PRKAA1: variants seen among roughly 807,000 people sequenced by gnomAD.
The protein encoded by PRKAA1 is protein kinase AMP-activated catalytic subunit alpha 1.
Under a neutral mutation model 56.9 loss-of-function variants are expected in PRKAA1, and 23 were observed. The ratio of observed to expected loss-of-function variants is 0.40; its 90% CI spans 0.29 to 0.57. PRKAA1 has a LOEUF of 0.57. Ranked by LOEUF, PRKAA1 falls within the 20% of genes least tolerant of loss-of-function variation. The pLI, the probability that PRKAA1 is intolerant of heterozygous loss-of-function variation, is 0.39. For missense variants in PRKAA1, 413 were observed against 679.7 expected (o/e 0.61, Z 4.36); for synonymous variants, 226 against 227.0 (o/e 1.00, Z 0.04).
At chr5:40,768,882 C>T (rs1255438106) in intron 5 of PRKAA1, 2 of 1,561,960 alleles carry the variant, frequency 1.3e-6, no homozygotes, top group Non-Finnish European at 1.7e-6. Context: ...TCTTCATGTT[C>T]TCAATGCTGG....
rs2112014565 is a variant in PRKAA1 at position 40,771,701 on chromosome 5, C to G, written c.508+18G>C. On this transcript the variant is annotated intron_variant, in intron 4 of 8. Coordinates refer to ENST00000397128, the MANE Select transcript of PRKAA1 (RefSeq NM_006251.6). ...AACATTAGAAATGAACGTTAAGAAACTATAAAATTATCCTTACCAAAATCA... is the reference window on the plus strand; with the variant it reads ...AACATTAGAAATGAACGTTAAGAAAGTATAAAATTATCCTTACCAAAATCA... 1 of 1,588,292 alleles carries G rather than the reference C, an allele frequency of 6.3e-7. No homozygotes were observed. Among genetic ancestry groups the G allele is most frequent in the Non-Finnish European group, 8.5e-7 (1 of 1,172,820 alleles).
chr5:40,775,304 C>G (rs1743947549), intron 3 of PRKAA1, 106 bp downstream of exon 3: 1 of 817,470 alleles, frequency 1.2e-6, no homozygotes, highest in East Asian at 2.6e-5. Context: ...ACTAAGGGAA[C>G]TGGTTATTAA....
rs936166903 is a variant in PRKAA1 at position 40,760,797 on chromosome 5, A to G, written c.*1981T>C. 6.5e-6 allele frequency: 1 copy of G among 152,730 alleles called. No homozygotes were observed. Among genetic ancestry groups the G allele is most frequent in the South Asian group, 2.1e-4 (1 of 4,834 alleles). The allele number at this position is 152,730 out of a possible 1,614,324, so 9.5% of individuals were successfully genotyped here. A position where few individuals can be genotyped will look rare whatever the true frequency, so the allele number is the denominator to read the frequency against. On this transcript the variant is annotated 3_prime_UTR_variant, in exon 9 of 9. Coordinates refer to ENST00000397128, the MANE Select transcript of PRKAA1 (RefSeq NM_006251.6). ...TTTGAGTTCATTATCATCTGGTTAC[A>G]TAAGTGCTCACTGTATTTGCCAAAA...
chr5:40,772,558 T>A (rs1743796521), intron 3 of PRKAA1, among the ~76,000 whole-genome samples: 1 of 151,976 alleles, frequency 6.6e-6, no homozygotes, highest in Admixed American at 6.5e-5. Context: ...TTTAATATGC[T>A]TGCTAAAAAA....
At chr5:40,773,996 C>T (rs888462732) in intron 3 of PRKAA1, among the ~76,000 whole-genome samples, 3 of 152,090 alleles carry the variant, frequency 2.0e-5, no homozygotes, top group African/African-American at 7.2e-5. Context: ...TAAGCTAAGG[C>T]CTTTAAGGAA....
At chr5:40,763,558 T>C (rs1023972111) in intron 8 of PRKAA1, among the ~76,000 whole-genome samples, 2 of 152,156 alleles carry the variant, frequency 1.3e-5, no homozygotes, top group African/African-American at 4.8e-5. Context: ...TCATTTAGTA[T>C]TTCATAAAAG....
intron 5 of PRKAA1, 49 bp from the exon 6 acceptor site, chr5:40,767,739 T>A (rs974145237): frequency 6.8e-7 from 1 of 1,475,474 alleles, no homozygotes; most frequent in Non-Finnish European, 9.3e-7. Flanking sequence ...TAACCTAAGA[T>A]TCAGTTCATC....
chr5:40,774,191 G>A (rs1743882041), intron 3 of PRKAA1, among the ~76,000 whole-genome samples: 1 of 152,084 alleles, frequency 6.6e-6, no homozygotes, highest in African/African-American at 2.4e-5. Context: ...ATATTTAGTG[G>A]ACAGCCAAGA....
At chr5:40,763,143 C>G in intron 8 of PRKAA1, 121 bp from the exon 9 acceptor site, 1 of 894,688 alleles carries the variant, frequency 1.1e-6, no homozygotes, top group South Asian at 1.7e-5. Flanking sequence ...CACGCTTATT[C>G]TAAATACCTT....
chr5:40,768,790 T>C (rs1743589558), intron 5 of PRKAA1: 2 of 1,401,118 alleles, frequency 1.4e-6, no homozygotes, highest in African/African-American at 3.0e-5. Flanking sequence ...TTCAGTAGTA[T>C]AGTGAAGGAC....
intron 1 of PRKAA1, among the ~76,000 whole-genome samples, chr5:40,797,684 C>T (rs1053219853): frequency 6.6e-6 from 1 of 152,250 alleles, no homozygotes; most frequent in African/African-American, 2.4e-5. Flanking sequence ...GAGCACAACC[C>T]GGGCGCACAA....
At chr5:40,777,646 T>C in intron 1 of PRKAA1, 60 bp from the exon 2 acceptor site, 1 of 1,475,106 alleles carries the variant, frequency 6.8e-7, no homozygotes, top group South Asian at 1.3e-5. Flanking sequence ...TATTTACACA[T>C]ATTCTGGCCC....
In PRKAA1 at chr5:40,775,491, G is replaced by A. The variant is rs200384612; in HGVS notation, c.282C>T (p.Ile94=). The A allele has an allele frequency of 1.5e-5, 24 of 1,598,702 alleles. No individual in the cohort carries two copies. The highest frequency in any genetic ancestry group is 1.9e-5 in the Non-Finnish European group (22 of 1,166,226). Residue 94 remains isoleucine (I), a synonymous_variant, in exon 3 of 9, where the codon ATC becomes ATT. Transcript: ENST00000397128. ...HPHIIKLYQV[I]STPSDIFMVM... ...CCATGAAAATATCAGATGGTGTACT[G>A]ATGACCTGGTACCTGGTGAGAGAAA... is the stretch of plus-strand genomic sequence containing the variant.
intron 5 of PRKAA1, 138 bp from the exon 6 acceptor site, chr5:40,767,828 C>T (rs1468692560): frequency 2.0e-5 from 14 of 701,644 alleles, no homozygotes; most frequent in South Asian, 8.1e-5. Context: ...CATGTTACAA[C>T]GTTAATTCCA....
chr5:40,781,692 T>C (rs1302727810), intron 1 of PRKAA1, among the ~76,000 whole-genome samples: 2 of 152,130 alleles, frequency 1.3e-5, no homozygotes, highest in Non-Finnish European at 2.9e-5. Flanking sequence ...TAAAACATAG[T>C]CATAGATACT....
intron 4 of PRKAA1, among the ~76,000 whole-genome samples, chr5:40,770,348 C>A (rs1385222215): frequency 1.3e-5 from 2 of 152,014 alleles, no homozygotes; most frequent in Non-Finnish European, 2.9e-5. Flanking sequence ...CATCTGTGGT[C>A]CCAGCTACTT....
At chr5:40,796,089 G>A (rs1744916181) in intron 1 of PRKAA1, among the ~76,000 whole-genome samples, 1 of 152,174 alleles carries the variant, frequency 6.6e-6, no homozygotes, top group Admixed American at 6.5e-5. Flanking sequence ...GGCTGAGGTG[G>A]GTAGATCACC....
Position 40,762,735 on chromosome 5 carries a change from A to G in PRKAA1, c.*43T>C. 1 of 1,605,490 alleles carries G rather than the reference A, an allele frequency of 6.2e-7. No homozygotes were observed. The highest frequency in any genetic ancestry group is 1.1e-5 in the South Asian group (1 of 90,126). On this transcript the variant is annotated 3_prime_UTR_variant, in exon 9 of 9. Transcript: ENST00000397128. ...TGGAAGCATTTGGCTGTGACTTATT[A>G]TGCATGCTTATTGCTGCAAAAGAAA...
intron 1 of PRKAA1, among the ~76,000 whole-genome samples, chr5:40,786,720 C>A (rs1209359953): frequency 7.2e-6 from 1 of 139,076 alleles, no homozygotes; most frequent in Non-Finnish European, 1.5e-5. Flanking sequence ...GCAGGCAGAG[C>A]ACTTGAGGTT....
Sources: gnomAD v4.1 joint callset for allele counts (sites outside exome capture counted in the v4.1 genomes callset) on GRCh38, gnomAD v4.1.1 for gene constraint, MANE v1.5 for transcripts, NCBI Gene and HGNC (gene_info 2026-07-23, HGNC 2026-07-21) for gene names.